Variants in WWOX observed in about 807,000 individuals in gnomAD.
WWOX encodes the protein WW domain containing oxidoreductase.
A neutral mutation model predicts 46.2 loss-of-function variants in WWOX; 69 were observed. The observed-to-expected ratio is 1.49, with a 90% CI of 1.23 to 1.82. WWOX has a LOEUF of 1.82. Ranked by LOEUF, WWOX falls within the 40% of genes most tolerant of loss-of-function variation. WWOX has a pLI of 0.00. For synonymous variants in WWOX, 359 were observed against 202.6 expected, an observed-to-expected ratio of 1.77 and a Z score of -6.56; for missense variants, 919 against 542.6, an observed-to-expected ratio of 1.69 and a Z score of -6.89.
intron 8 of WWOX, among the ~76,000 whole-genome samples, chr16:78,598,590 A>G (rs973175139): frequency 2.0e-5 from 3 of 152,132 alleles, no homozygotes; most frequent in Non-Finnish European, 2.9e-5. Context: ...TGACGCCAAC[A>G]CACCTCCTGG....
chr16:78,787,306 C>G (rs990010598), intron 8 of WWOX, among the ~76,000 whole-genome samples: 7 of 152,264 alleles, frequency 4.6e-5, no homozygotes, highest in African/African-American at 7.2e-5. Flanking sequence ...ACACCATATC[C>G]ATTAAGTGGT....
chr16:78,791,887 C>G (rs571731383), intron 8 of WWOX, among the ~76,000 whole-genome samples: 1 of 152,134 alleles, frequency 6.6e-6, no homozygotes, highest in African/African-American at 2.4e-5. Flanking sequence ...TCAAAAACAA[C>G]AACAACAACA....
intron 8 of WWOX, among the ~76,000 whole-genome samples, chr16:78,672,344 C>A (rs752837836): frequency 2.0e-5 from 3 of 152,192 alleles, no homozygotes; most frequent in Non-Finnish European, 4.4e-5. Context: ...TGCTTGTTAA[C>A]TTTGCACTCT....
chr16:78,729,733 A>G (rs979951030), intron 8 of WWOX, among the ~76,000 whole-genome samples: 1 of 152,168 alleles, frequency 6.6e-6, no homozygotes, highest in African/African-American at 2.4e-5. Context: ...GTTACAGCAG[A>G]CATAGCAAAC....
chr16:78,721,783 G>A (rs1204990605), intron 8 of WWOX, among the ~76,000 whole-genome samples: 6 of 152,198 alleles, frequency 3.9e-5, no homozygotes, highest in African/African-American at 1.4e-4. Context: ...CATAGCAGGT[G>A]CTCCGAAGAT....
At chr16:78,300,706 C>G (rs1313793820) in intron 5 of WWOX, among the ~76,000 whole-genome samples, 4 of 152,096 alleles carry the variant, frequency 2.6e-5, no homozygotes, top group Admixed American at 6.5e-5. Context: ...AATTTAAATC[C>G]TTTACCATCA....
At chr16:79,210,329 C>G (rs2051682628) in intron 8 of WWOX, among the ~76,000 whole-genome samples, 1 of 152,180 alleles carries the variant, frequency 6.6e-6, no homozygotes, top group African/African-American at 2.4e-5. Context: ...TCAGTATGGA[C>G]CTGACTCTCC....
At chr16:78,921,680 C>T (rs533812512) in intron 8 of WWOX, among the ~76,000 whole-genome samples, 1 of 152,240 alleles carries the variant, frequency 6.6e-6, no homozygotes, top group African/African-American at 2.4e-5. Flanking sequence ...CTGGCAACTC[C>T]TTCTGAGTAC....
intron 8 of WWOX, among the ~76,000 whole-genome samples, chr16:78,939,455 C>T (rs1006699973): frequency 2.0e-5 from 3 of 152,114 alleles, no homozygotes; most frequent in Non-Finnish European, 4.4e-5. Flanking sequence ...AAATATGTAT[C>T]CTTTAAGGGT....
intron 8 of WWOX, among the ~76,000 whole-genome samples, chr16:79,176,858 A>T (rs1241837269): frequency 6.6e-6 from 1 of 152,176 alleles, no homozygotes; most frequent in African/African-American, 2.4e-5. Context: ...TTTGAAAAGT[A>T]TATCATCATC....
intron 8 of WWOX, among the ~76,000 whole-genome samples, chr16:78,771,403 A>G (rs549653101): frequency 6.6e-6 from 1 of 152,280 alleles, no homozygotes; most frequent in South Asian, 2.1e-4. Context: ...AGGTGATGAA[A>G]GAGTTTTGGA....
intron 8 of WWOX, among the ~76,000 whole-genome samples, chr16:78,930,786 T>C (rs1159763491): frequency 6.6e-6 from 1 of 152,138 alleles, no homozygotes; most frequent in East Asian, 1.9e-4. Flanking sequence ...CCTGTGATGC[T>C]TCCATCACAC....
chr16:78,678,366 A>G (rs1037068445), intron 8 of WWOX, among the ~76,000 whole-genome samples: 6 of 152,176 alleles, frequency 3.9e-5, no homozygotes, highest in African/African-American at 1.4e-4. Context: ...ACAGAGCGAG[A>G]CCTTCTGTCT....
At chr16:78,808,255 G>A (rs1005071902) in intron 8 of WWOX, among the ~76,000 whole-genome samples, 6 of 152,140 alleles carry the variant, frequency 3.9e-5, no homozygotes, top group Non-Finnish European at 1.5e-5. Flanking sequence ...GTCCTCAAGA[G>A]CAGTCATTCA....
At chr16:78,463,299 GT>G (rs1480851218) in intron 8 of WWOX, among the ~76,000 whole-genome samples, 1 of 152,154 alleles carries the variant, frequency 6.6e-6, no homozygotes, top group Admixed American at 6.5e-5. Flanking sequence ...TCCATCCGTG[GT>G]AAAAAGCAAT....
intron 8 of WWOX, among the ~76,000 whole-genome samples, chr16:78,877,474 AC>A (rs2044257771): frequency 6.6e-6 from 1 of 152,104 alleles, no homozygotes; most frequent in East Asian, 1.9e-4. Flanking sequence ...TGCTCAACTG[AC>A]ACTTTCTCAG....
At chr16:79,191,211 A>T (rs2051129390) in intron 8 of WWOX, among the ~76,000 whole-genome samples, 1 of 151,756 alleles carries the variant, frequency 6.6e-6, no homozygotes, top group South Asian at 2.1e-4. Flanking sequence ...CTGCCACCAC[A>T]CCTGGCTAAT....
chr16:78,621,599 T>A (rs1038749732), intron 8 of WWOX, among the ~76,000 whole-genome samples: 2 of 82,374 alleles, frequency 2.4e-5, no homozygotes, highest in African/African-American at 9.8e-5. Context: ...AATCTTTTTT[T>A]TTTTTTTTTT....
At chr16:78,921,855 G>C (rs1567650772) in intron 8 of WWOX, among the ~76,000 whole-genome samples, 1 of 152,134 alleles carries the variant, frequency 6.6e-6, no homozygotes, top group Non-Finnish European at 1.5e-5. Flanking sequence ...GCTGATATTT[G>C]CTAGAAGGAC....
Sources: gnomAD v4.1 joint callset for allele counts (sites outside exome capture counted in the v4.1 genomes callset) on GRCh38, gnomAD v4.1.1 for gene constraint, MANE v1.5 for transcripts, NCBI Gene and HGNC (gene_info 2026-07-23, HGNC 2026-07-21) for gene names.